Variants in SEZ6L observed in about 807,000 individuals in gnomAD.
The protein encoded by SEZ6L is seizure 6-like protein.
SEZ6L carries 37 observed loss-of-function variants against 106.2 expected under a neutral mutation model. The ratio of observed to expected loss-of-function variants is 0.35; its 90% confidence interval spans 0.27 to 0.46. The LOEUF (loss-of-function observed/expected upper bound fraction) is 0.46, where lower values mean the gene tolerates loss of function less well. Among genes scored for constraint, SEZ6L ranks in the 20% least tolerant of loss-of-function variants. The pLI is 1.00. For missense variants in SEZ6L, 1,172 were observed against 1,332.8 expected, an observed-to-expected ratio of 0.88 and a Z score of 1.88; for synonymous variants, 541 against 570.4, an observed-to-expected ratio of 0.95 and a Z score of 0.73.
At chr22:26,324,101 C>CACACACAA (rs1443481223) in intron 9 of SEZ6L, among the ~76,000 whole-genome samples, 2 of 139,570 alleles carry the variant, frequency 1.4e-5, no homozygotes, top group African/African-American at 5.2e-5. Context: ...CACACACACA[C>CACACACAA]AAACACACAC....
chr22:26,176,327 A>G (rs1203034566), intron 1 of SEZ6L, among the ~76,000 whole-genome samples: 3 of 152,236 alleles, frequency 2.0e-5, no homozygotes, highest in African/African-American at 4.8e-5. Context: ...GCAAAATGGA[A>G]ATGGAGAGCT....
At chr22:26,217,051 C>T (rs773381190) in intron 1 of SEZ6L, among the ~76,000 whole-genome samples, 7 of 152,188 alleles carry the variant, frequency 4.6e-5, no homozygotes, top group Non-Finnish European at 1.0e-4. Context: ...ACTTCTGACT[C>T]TTTAGTGCTT....
At chr22:26,370,832 C>T (rs1207653927) in intron 13 of SEZ6L, among the ~76,000 whole-genome samples, 2 of 151,934 alleles carry the variant, frequency 1.3e-5, no homozygotes, top group Non-Finnish European at 2.9e-5. Flanking sequence ...AGTGGGACCT[C>T]ATTTCTACAA....
chr22:26,364,828 A>G (rs542434835), intron 12 of SEZ6L: 1 of 154,098 alleles, frequency 6.5e-6, no homozygotes, highest in East Asian at 1.9e-4. Flanking sequence ...GGCTTCCTGG[A>G]GAAGGAGAAA....
At chr22:26,216,605 G>A (rs192887415) in intron 1 of SEZ6L, among the ~76,000 whole-genome samples, 17 of 152,172 alleles carry the variant, frequency 1.1e-4, no homozygotes, top group African/African-American at 3.9e-4. Context: ...GCAGTGAGCC[G>A]AGATTGCGCC....
At chr22:26,298,658 C>T (rs1269831243) in intron 4 of SEZ6L, among the ~76,000 whole-genome samples, 1 of 152,134 alleles carries the variant, frequency 6.6e-6, no homozygotes, top group South Asian at 2.1e-4. Context: ...GGTGGTCTTG[C>T]CCCTCCCAGT....
chr22:26,181,581 A>C (rs1250511224), intron 1 of SEZ6L, among the ~76,000 whole-genome samples: 1 of 152,210 alleles, frequency 6.6e-6, no homozygotes, highest in South Asian at 2.1e-4. Flanking sequence ...GCTTTTAAAG[A>C]AAGCCTCTCT....
chr22:26,213,737 T>C lies in SEZ6L; in HGVS notation c.94+43974T>C, dbSNP rs548132511. On this transcript the variant is annotated intron_variant, in intron 1 of 16. Transcript: ENST00000248933. ...TGAGACCAGGAATTTGAGACAAGCC[T>C]AAGCAAGACCCTGTCTTTACAGAAA... Among the ~76,000 whole-genome samples, 3 of 152,280 alleles carry C rather than the reference T, an allele frequency of 2.0e-5. No individual in the cohort carries two copies. The South Asian group carries it at 6.2e-4, about 32-fold the overall frequency.
Position 26,213,109 on chromosome 22 carries a change from T to C in SEZ6L, c.94+43346T>C, listed in dbSNP as rs565913292. Among the ~76,000 whole-genome samples, 5 of 152,284 alleles carry C rather than the reference T, an allele frequency of 3.3e-5. No homozygotes were observed. In the East Asian group the frequency reaches 9.6e-4, roughly 29 times the overall value. Reference sequence around the variant, plus strand: ...CTCCCTACATTCCTCCCACTAATAATGGTCAGTATGAATCATGTGGCTGGC... The same window carrying C: ...CTCCCTACATTCCTCCCACTAATAACGGTCAGTATGAATCATGTGGCTGGC... On this transcript the variant is annotated intron_variant, in intron 1 of 16. Coordinates refer to ENST00000248933, the MANE Select transcript of SEZ6L (RefSeq NM_021115.5).
chr22:26,205,166 G>A (rs1941212334), intron 1 of SEZ6L, among the ~76,000 whole-genome samples: 1 of 152,216 alleles, frequency 6.6e-6, no homozygotes, highest in Admixed American at 6.5e-5. Context: ...CCTCTTACTT[G>A]TTCAAGAATA....
chr22:26,266,436 G>A (rs1314364951), intron 1 of SEZ6L, among the ~76,000 whole-genome samples: 15 of 151,426 alleles, frequency 9.9e-5, no homozygotes, highest in African/African-American at 3.4e-4. Context: ...AGCCGGGCGT[G>A]GTGGTGGGCG....
intron 9 of SEZ6L, among the ~76,000 whole-genome samples, chr22:26,321,521 G>A (rs375175775): frequency 6.6e-6 from 1 of 152,210 alleles, no homozygotes; most frequent in Admixed American, 6.5e-5. Context: ...GGCTCACGCC[G>A]ACAAGCTTGG....
chr22:26,175,959 A>G (rs1938971573), intron 1 of SEZ6L, among the ~76,000 whole-genome samples: 2 of 152,212 alleles, frequency 1.3e-5, no homozygotes, highest in Non-Finnish European at 2.9e-5. Context: ...AAGTGCTGGC[A>G]TGGAAGGCTG....
intron 1 of SEZ6L, among the ~76,000 whole-genome samples, chr22:26,282,943 TGG>T (rs938965270): frequency 2.0e-5 from 3 of 152,162 alleles, no homozygotes; most frequent in African/African-American, 7.2e-5. Context: ...TTTTTTGAGT[TGG>T]AGTCTCTCCC....
chr22:26,333,533 G>A (rs906590486), intron 9 of SEZ6L, among the ~76,000 whole-genome samples: 1 of 152,186 alleles, frequency 6.6e-6, no homozygotes, highest in African/African-American at 2.4e-5. Flanking sequence ...GGTAGGAATT[G>A]GGGTCAAAGC....
chr22:26,189,887 G>A (rs2145652688), intron 1 of SEZ6L, among the ~76,000 whole-genome samples: 1 of 152,240 alleles, frequency 6.6e-6, no homozygotes, highest in South Asian at 2.1e-4. Context: ...CACGAGGTCA[G>A]GAGATCGAGA....
intron 1 of SEZ6L, among the ~76,000 whole-genome samples, chr22:26,218,942 AAAAAGAAAAG>A (rs1011779359): frequency 6.6e-6 from 1 of 152,228 alleles, no homozygotes; most frequent in African/African-American, 2.4e-5. Flanking sequence ...TGTCTCAAAA[AAAAAGAAAAG>A]AAAAGAAACG....
intron 3 of SEZ6L, among the ~76,000 whole-genome samples, chr22:26,294,721 AACACACACACACACAC>A (rs56000206): frequency 1.0e-4 from 15 of 148,166 alleles, no homozygotes; most frequent in African/African-American, 1.2e-4. Flanking sequence ...CACGTGCATA[AACACACACACACACAC>A]ACACACACAC....
chr22:26,328,281 C>T (rs1480148563), intron 9 of SEZ6L, among the ~76,000 whole-genome samples: 1 of 152,222 alleles, frequency 6.6e-6, no homozygotes, highest in African/African-American at 2.4e-5. Flanking sequence ...CCTTGCCCCT[C>T]AGCAGGGTGC....
Sources: gnomAD v4.1 joint callset for allele counts (sites outside exome capture counted in the v4.1 genomes callset) on GRCh38, gnomAD v4.1.1 for gene constraint, MANE v1.5 for transcripts, NCBI Gene and HGNC (gene_info 2026-07-23, HGNC 2026-07-21) for gene names.